The following TCF7L2 variants were observed in gnomAD, a reference collection of about 807,000 sequenced individuals.
TCF7L2 encodes the protein transcription factor 7 like 2, also known as transcription factor 7-like 2.
In TCF7L2, 23 loss-of-function variants were observed where a neutral mutation model predicts 77.9. That is an observed-to-expected ratio of 0.30 (90% CI 0.21 to 0.42). TCF7L2 has a LOEUF of 0.42. Ranked by LOEUF, TCF7L2 falls within the 10% of genes least tolerant of loss-of-function variation. TCF7L2 has a pLI of 1.00. For synonymous variants in TCF7L2, 413 were observed against 340.2 expected, an observed-to-expected ratio of 1.21 and a Z score of -2.36; for missense variants, 654 against 793.1, an observed-to-expected ratio of 0.82 and a Z score of 2.11.
intron 5 of TCF7L2, among the ~76,000 whole-genome samples, chr10:113,046,013 A>G (rs1431455839): frequency 2.0e-5 from 3 of 152,202 alleles, no homozygotes; most frequent in Admixed American, 1.3e-4. Context: ...TTGGTGAGGA[A>G]GAAGTGGTAG....
intron 4 of TCF7L2, among the ~76,000 whole-genome samples, chr10:112,978,332 G>A (rs980097189): frequency 3.0e-4 from 45 of 152,156 alleles, no homozygotes; most frequent in African/African-American, 1.0e-3. Context: ...GTGAATGAAA[G>A]CATTGAACTT....
At chr10:113,036,102 AT>A (rs1278432206) in intron 4 of TCF7L2, among the ~76,000 whole-genome samples, 2 of 130,948 alleles carry the variant, frequency 1.5e-5, no homozygotes, top group African/African-American at 2.9e-5. Context: ...TCGCCATATC[AT>A]CATCATCATC....
intron 5 of TCF7L2, among the ~76,000 whole-genome samples, chr10:113,105,733 C>T (rs1399603528): frequency 6.6e-6 from 1 of 152,142 alleles, no homozygotes; most frequent in Non-Finnish European, 1.5e-5. Context: ...AGCATCCCGT[C>T]CAGGTTCCAG....
chr10:113,041,189 C>T (rs536295926), intron 5 of TCF7L2, among the ~76,000 whole-genome samples: 4 of 152,270 alleles, frequency 2.6e-5, no homozygotes, highest in African/African-American at 9.6e-5. Flanking sequence ...GTTTATATCA[C>T]AAAATAACTT....
chr10:113,045,605 G>A (rs1458759706), intron 5 of TCF7L2, among the ~76,000 whole-genome samples: 1 of 152,090 alleles, frequency 6.6e-6, no homozygotes, highest in Non-Finnish European at 1.5e-5. Flanking sequence ...TGGGCTTCTG[G>A]GTGTCGTGCT....
At chr10:113,090,221 A>G (rs1353827720) in intron 5 of TCF7L2, among the ~76,000 whole-genome samples, 1 of 152,272 alleles carries the variant, frequency 6.6e-6, no homozygotes, top group East Asian at 1.9e-4. Context: ...TCAGAAAAGC[A>G]AAAGTCAATG....
Position 113,127,866 on chromosome 10 carries a change from C to CTTTTTTTT in TCF7L2, c.553-13304_553-13297dup, listed in dbSNP as rs34638595. On this transcript the variant is annotated intron_variant, in intron 5 of 13. Coordinates refer to ENST00000627217, the MANE Select transcript of TCF7L2 (RefSeq NM_001146274.2). Reference sequence around the variant, plus strand: ...ATGAGTTAGCTTATGTTGCTGCGTCCTTTTTTTTTTTTTTTTTTTTTCCAT... The same window carrying CTTTTTTTT: ...ATGAGTTAGCTTATGTTGCTGCGTCCTTTTTTTTTTTTTTTTTTTTTTTTTTTTTCCAT... 2.7e-5 allele frequency among the ~76,000 whole-genome samples: 3 copies of CTTTTTTTT among 110,218 alleles called. 1 individual carries two copies. Among genetic ancestry groups the CTTTTTTTT allele is most frequent in the Admixed American group, 1.0e-4 (1 of 9,680 alleles). The allele number at this position is 110,218 out of a possible 152,430, so 72.3% of individuals were successfully genotyped here.
Position 112,951,242 on chromosome 10 carries a change from C to T in TCF7L2, c.225C>T (p.Phe75=), listed in dbSNP as rs1196682097. ...GGCCTCCGCCTCGCTCCGAAAGTTT[C>T]CGAGACAAATCCCGGGAAAGTTTGG... The change falls in exon 2 of 14, where the codon TTC becomes TTT. Residue 75 remains phenylalanine, a synonymous_variant. Coordinates refer to ENST00000627217, the MANE Select transcript of TCF7L2 (RefSeq NM_001146274.2). 3 of 1,575,066 alleles carry T rather than the reference C, an allele frequency of 1.9e-6. No homozygotes were observed. Among genetic ancestry groups the T allele is most frequent in the Non-Finnish European group, 2.6e-6 (3 of 1,163,454 alleles).
chr10:113,018,893 A>G (rs1209982114), intron 4 of TCF7L2, among the ~76,000 whole-genome samples: 1 of 152,044 alleles, frequency 6.6e-6, no homozygotes, highest in Non-Finnish European at 1.5e-5. Flanking sequence ...CGGTGCTGGG[A>G]GGAACAGGGC....
At chr10:113,099,634 T>C (rs2061414999) in intron 5 of TCF7L2, among the ~76,000 whole-genome samples, 1 of 152,176 alleles carries the variant, frequency 6.6e-6, no homozygotes. Context: ...CCCTGGGAAA[T>C]GATGAGAGGT....
intron 5 of TCF7L2, among the ~76,000 whole-genome samples, chr10:113,070,101 C>T (rs1453548057): frequency 6.6e-6 from 1 of 151,606 alleles, no homozygotes; most frequent in Non-Finnish European, 1.5e-5. Flanking sequence ...ATTAAAAATA[C>T]AAAAATCAGC....
At chr10:113,129,352 G>A in intron 5 of TCF7L2, 1 of 989,150 alleles carries the variant, frequency 1.0e-6, no homozygotes, top group Non-Finnish European at 1.2e-6. Flanking sequence ...CTTAGCGGCA[G>A]CTCTGTCCCT....
chr10:113,088,188 C>T (rs1453897703), intron 5 of TCF7L2, among the ~76,000 whole-genome samples: 1 of 151,812 alleles, frequency 6.6e-6, no homozygotes, highest in South Asian at 2.1e-4. Flanking sequence ...GTGAAATCGC[C>T]CTTCTTGGAC....
At chr10:113,084,032 A>G (rs1388822905) in intron 5 of TCF7L2, among the ~76,000 whole-genome samples, 2 of 152,212 alleles carry the variant, frequency 1.3e-5, no homozygotes, top group Non-Finnish European at 2.9e-5. Flanking sequence ...TTCATTTTAA[A>G]ACTCTGATCT....
chr10:113,101,432 AC>A (rs2061622830), intron 5 of TCF7L2, among the ~76,000 whole-genome samples: 1 of 152,130 alleles, frequency 6.6e-6, no homozygotes, highest in Non-Finnish European at 1.5e-5. Flanking sequence ...AGTCCCAGCT[AC>A]TTGGGAGGCC....
At position 113,035,363 on chromosome 10, in the gene TCF7L2, A is replaced by G. The variant is rs564456813; in HGVS notation, c.451-4662A>G. On this transcript the variant is annotated intron_variant, in intron 4 of 13. Transcript: ENST00000627217. ...GCCTCTACAATTTTATTCCCTAACC[A>G]GGGCATGACAAACTATGGCCCATAG... Among the ~76,000 whole-genome samples the G allele has an allele frequency of 2.0e-3, 312 of 152,368 alleles. 1 individual carries two copies. The highest frequency in any genetic ancestry group is 6.4e-3 in the African/African-American group (265 of 41,580).
At position 113,165,806 on chromosome 10, in the gene TCF7L2, C is replaced by G; in HGVS notation, c.1643C>G (p.Ser548Cys). Residue 548 changes from serine to cysteine, a missense_variant, in exon 14 of 14, where the codon TCC (serine) becomes TGC (cysteine). Physicochemically the swap from Ser to Cys is moderately radical, Grantham distance 112. Coordinates refer to ENST00000627217, the MANE Select transcript of TCF7L2 (RefSeq NM_001146274.2). ...CTCGCTGAGGCCACCCACAAGGCCT[C>G]CGCCCTCTGTCCCAACGGGGCCCTG... 6.2e-7 allele frequency: 1 copy of G among 1,604,572 alleles called. No homozygotes were observed. The highest frequency in any genetic ancestry group is 8.5e-7 in the Non-Finnish European group (1 of 1,174,604).
At chr10:113,094,978 G>A (rs2060794364) in intron 5 of TCF7L2, among the ~76,000 whole-genome samples, 1 of 152,048 alleles carries the variant, frequency 6.6e-6, no homozygotes, top group African/African-American at 2.4e-5. Flanking sequence ...AAATTAGCTG[G>A]GTACGTGGTC....
chr10:113,034,082 G>A (rs1298892180), intron 4 of TCF7L2, among the ~76,000 whole-genome samples: 2 of 152,152 alleles, frequency 1.3e-5, no homozygotes, highest in Non-Finnish European at 2.9e-5. Flanking sequence ...ATTTTCCATC[G>A]TCCATTTCTG....
Sources: allele counts gnomAD v4.1 joint callset (sites outside exome capture counted in the v4.1 genomes callset), GRCh38; gene constraint gnomAD v4.1.1; transcripts MANE v1.5; gene names NCBI Gene and HGNC (gene_info 2026-07-23, HGNC 2026-07-21).